NIPSNAP3A: variants seen among roughly 807,000 people sequenced by gnomAD.
NIPSNAP3A encodes the protein protein NipSnap homolog 3A.
NIPSNAP3A carries 27 observed loss-of-function variants against 32.3 expected under a neutral mutation model. That is an observed-to-expected ratio of 0.84 (90% CI 0.62 to 1.15). The LOEUF (loss-of-function observed/expected upper bound fraction) is 1.15. NIPSNAP3A is among the 50% of genes most tolerant of loss of function. The pLI, the probability that NIPSNAP3A is intolerant of heterozygous loss-of-function variation, is 0.00. For missense variants in NIPSNAP3A, 278 were observed against 297.2 expected (o/e 0.94, Z 0.48); for synonymous variants, 108 against 107.3 (o/e 1.01, Z -0.04).
intron 4 of NIPSNAP3A, among the ~76,000 whole-genome samples, chr9:104,758,707 C>G (rs10991375): frequency 4.7e-4 from 72 of 151,746 alleles, no homozygotes; most frequent in African/African-American, 1.6e-3. Context: ...CGCCTGTAAT[C>G]TCAGCACTTT....
intron 3 of NIPSNAP3A, chr9:104,754,131 G>GA (rs1200677542): frequency 6.4e-6 from 1 of 155,994 alleles, no homozygotes; most frequent in Non-Finnish European, 1.4e-5. Context: ...ATTATATGAA[G>GA]AAAAACATAG....
At chr9:104,754,467 A>G (rs1332248263) in intron 3 of NIPSNAP3A, 84 bp from the exon 4 acceptor site, 1 of 1,108,700 alleles carries the variant, frequency 9.0e-7, no homozygotes, top group African/African-American at 1.5e-5. Flanking sequence ...CTGTGTGTGT[A>G]GATAGTGAAA....
intron 1 of NIPSNAP3A, 44 bp from the exon 2 acceptor site, chr9:104,750,912 A>G: frequency 6.9e-7 from 1 of 1,454,206 alleles, no homozygotes; most frequent in East Asian, 2.3e-5. Context: ...AATATAATGA[A>G]TCCTGTCTTC....
intron 1 of NIPSNAP3A, among the ~76,000 whole-genome samples, chr9:104,750,484 AAATC>A (rs1410234632): frequency 6.6e-6 from 1 of 152,212 alleles, no homozygotes; most frequent in Non-Finnish European, 1.5e-5. Flanking sequence ...TCCTAGAACT[AAATC>A]AAACCCTTCA....
At chr9:104,750,328 C>T (rs1827832233) in intron 1 of NIPSNAP3A, among the ~76,000 whole-genome samples, 1 of 152,114 alleles carries the variant, frequency 6.6e-6, no homozygotes, top group Admixed American at 6.5e-5. Flanking sequence ...GAAAAAGTGG[C>T]TAAAGGTGAC....
chr9:104,747,706 G>A lies in NIPSNAP3A; in HGVS notation c.-87G>A, dbSNP rs1176549820. ...CCAGCCTGCGTCTGCCAATGATCCA[G>A]GAGCCGCTCCTTTCCACTCGGGAAA... On this transcript the variant is annotated 5_prime_UTR_variant, in exon 1 of 6. Transcript: ENST00000374767. The A allele has an allele frequency of 8.0e-6, 11 of 1,381,838 alleles. No individual in the cohort carries two copies. The East Asian group carries it at 2.5e-4, about 31-fold the overall frequency. 85.6% of individuals were successfully genotyped at this position (1,381,838 alleles called of 1,614,324 possible).
At chr9:104,756,757 A>T (rs1049665544) in intron 4 of NIPSNAP3A, among the ~76,000 whole-genome samples, 1 of 152,032 alleles carries the variant, frequency 6.6e-6, no homozygotes, top group African/African-American at 2.4e-5. Context: ...AAAGTATATA[A>T]CATACATAGT....
At position 104,759,644 on chromosome 9, in the gene NIPSNAP3A, T is replaced by G; in HGVS notation, c.*306T>G. ...TACTGTATTCTGACAACTCTTTGCT[T>G]TATAGCATTTTGTTGTATTCAAATG... On this transcript the variant is annotated 3_prime_UTR_variant, in exon 6 of 6. Coordinates refer to ENST00000374767, the MANE Select transcript of NIPSNAP3A (RefSeq NM_015469.3). 3.4e-6 allele frequency: 1 copy of G among 297,668 alleles called. No homozygotes were observed. Among genetic ancestry groups the G allele is most frequent in the South Asian group, 4.4e-5 (1 of 22,474 alleles). The allele number at this position is 297,668 out of a possible 1,614,324, so 18.4% of individuals were successfully genotyped here. A position where few individuals can be genotyped will look rare whatever the true frequency, so the allele number is the denominator to read the frequency against.
chr9:104,752,999 A>G lies in NIPSNAP3A; in HGVS notation c.365A>G (p.Asp122Gly). ...CTCATTCCAAATTTGGCTCTCATTG[A>G]TAAACAAGAGAGTGAGATTACTTAT... ...QFLIPNLALI[D>G]KQESEITYLV... is the part of the protein sequence containing the mutation. The change falls in exon 3 of 6, where the codon GAT (aspartate) becomes GGT (glycine). Residue 122 changes from aspartate (D) to glycine (G), a missense_variant. Coordinates refer to ENST00000374767, the MANE Select transcript of NIPSNAP3A (RefSeq NM_015469.3). 1 of 1,612,906 alleles carries G rather than the reference A, an allele frequency of 6.2e-7. No individual in the cohort carries two copies. Among genetic ancestry groups the G allele is most frequent in the Non-Finnish European group, 8.5e-7 (1 of 1,178,890 alleles).
chr9:104,753,176 A>G, intron 3 of NIPSNAP3A, 112 bp downstream of exon 3: 2 of 866,740 alleles, frequency 2.3e-6, no homozygotes, highest in East Asian at 2.7e-5. Flanking sequence ...TTTGTTTTAT[A>G]TAGAAACATA....
rs1332078734 is a variant in NIPSNAP3A at position 104,759,292 on chromosome 9, A to G, written c.698A>G (p.Gln233Arg). The G allele has an allele frequency of 1.2e-6, 2 of 1,611,748 alleles. No individual in the cohort carries two copies. The highest frequency in any genetic ancestry group is 1.7e-6 in the Non-Finnish European group (2 of 1,178,088). Residue 233 changes from glutamine to arginine, a missense_variant, in exon 6 of 6, where the codon CAG (glutamine) becomes CGG (arginine). Coordinates refer to ENST00000374767, the MANE Select transcript of NIPSNAP3A (RefSeq NM_015469.3). ...GAAAGTGTCAACTACCTAGTATCTCAGCAGAATATGCTTCTGATTCCTACA... is the reference window on the plus strand; with the variant it reads ...GAAAGTGTCAACTACCTAGTATCTCGGCAGAATATGCTTCTGATTCCTACA... Reference protein sequence around the residue: ...VRESVNYLVSQQNMLLIPTSF... With the variant: ...VRESVNYLVSRQNMLLIPTSF...
intron 1 of NIPSNAP3A, among the ~76,000 whole-genome samples, chr9:104,748,144 A>G (rs1004710110): frequency 1.3e-5 from 2 of 152,166 alleles, no homozygotes; most frequent in African/African-American, 4.8e-5. Flanking sequence ...GGACACTCCC[A>G]TGGCGCCGGC....
intron 4 of NIPSNAP3A, among the ~76,000 whole-genome samples, chr9:104,756,284 T>C (rs959551373): frequency 1.3e-5 from 2 of 152,122 alleles, no homozygotes; most frequent in Admixed American, 1.3e-4. Flanking sequence ...TGAATTTATT[T>C]AATAATGTGG....
chr9:104,754,802 A>G, intron 4 of NIPSNAP3A, 102 bp downstream of exon 4: 5 of 865,656 alleles, frequency 5.8e-6, no homozygotes, highest in Non-Finnish European at 9.1e-6. Context: ...TTTATTATTT[A>G]TTGCCAAATG....
At chr9:104,747,874 A>G in intron 1 of NIPSNAP3A, 22 bp downstream of exon 1, 1 of 1,592,428 alleles carries the variant, frequency 6.3e-7, no homozygotes, top group Non-Finnish European at 8.5e-7. Context: ...GGGGGTACCC[A>G]AGCCTTCACC....
chr9:104,758,958 G>A (rs529475606), intron 4 of NIPSNAP3A, 127 bp from the exon 5 acceptor site: 13 of 1,018,014 alleles, frequency 1.3e-5, no homozygotes, highest in African/African-American at 4.5e-5. Context: ...TGACAAGAGT[G>A]AAACTCTTGT....
chr9:104,747,863 C>A lies in NIPSNAP3A; in HGVS notation c.60+11C>A. The A allele has an allele frequency of 6.3e-7, 1 of 1,599,502 alleles. No homozygotes were observed. The highest frequency in any genetic ancestry group is 8.5e-7 in the Non-Finnish European group (1 of 1,172,670). ...ACGCTGGCGCCTCAGGTACCGGCCA[C>A]GGGGGTACCCAAGCCTTCACCCGAC... is the stretch of plus-strand genomic sequence containing the variant. On this transcript the variant is annotated intron_variant, in intron 1 of 5. Transcript: ENST00000374767.
intron 3 of NIPSNAP3A, chr9:104,753,678 C>G (rs2118754183): frequency 6.6e-6 from 1 of 152,624 alleles, no homozygotes; most frequent in Admixed American, 6.5e-5. Context: ...AAATAAAGGT[C>G]AGATTAGAAA....
Position 104,747,946 on chromosome 9 carries a change from C to T in NIPSNAP3A, c.60+94C>T, listed in dbSNP as rs1827796439. On this transcript the variant is annotated intron_variant, in intron 1 of 5. Transcript: ENST00000374767. ...GGTACGTGCGAGCAATGCGCATGCG[C>T]TCTCCGCCACGCGCGCCCAGACCTG... The T allele has an allele frequency of 6.5e-6, 8 of 1,235,776 alleles. No homozygotes were observed. In the South Asian group the frequency reaches 1.1e-4, roughly 17 times the overall value. The allele number at this position is 1,235,776 out of a possible 1,614,324, so 76.6% of individuals were successfully genotyped here.
Sources: gnomAD v4.1 joint callset for allele counts (sites outside exome capture counted in the v4.1 genomes callset) on GRCh38, gnomAD v4.1.1 for gene constraint, MANE v1.5 for transcripts, NCBI Gene and HGNC (gene_info 2026-07-23, HGNC 2026-07-21) for gene names.